PCDHA2: variants seen among roughly 807,000 people sequenced by gnomAD.
PCDHA2 encodes protocadherin alpha 2.
A neutral mutation model predicts 66.0 loss-of-function variants in PCDHA2; 58 were observed. The ratio of observed to expected loss-of-function variants is 0.88; its 90% CI spans 0.71 to 1.09. PCDHA2 has a LOEUF of 1.09. Among genes scored for constraint, PCDHA2 ranks in the 50% least tolerant of loss-of-function variants. The probability of loss-of-function intolerance (pLI) is 0.00; values close to 1 mark genes in which losing one functional copy is unlikely to be tolerated. For synonymous variants in PCDHA2, 634 were observed against 554.0 expected (o/e 1.14, Z -2.03); for missense variants, 1,267 against 1,242.3 (o/e 1.02, Z -0.30).
At chr5:140,927,668 A>T in intron 1 of PCDHA2, 1 of 1,614,208 alleles carries the variant, frequency 6.2e-7, no homozygotes, top group Non-Finnish European at 8.5e-7. Flanking sequence ...CAAGCCTTGG[A>T]TCCAGATGAA....
intron 1 of PCDHA2, chr5:140,814,784 C>T (rs189663149): frequency 2.3e-4 from 35 of 152,262 alleles, no homozygotes; most frequent in Non-Finnish European, 4.1e-4. Flanking sequence ...TTGGTTGAAA[C>T]GTTGTTATAC....
rs782647258 is a variant in PCDHA2 at position 140,869,948 on chromosome 5, T to A, written c.2388+72596T>A. The A allele has an allele frequency of 3.7e-6, 6 of 1,612,586 alleles. No individual in the cohort carries two copies. The South Asian group carries it at 5.5e-5, about 15-fold the overall frequency. ...AATGGAGAGGTAACATACTCCTTAA[T>A]GTCAATTAAGCCCAATGGAAGACAC... On this transcript the variant is annotated intron_variant, in intron 1 of 3. Coordinates refer to ENST00000526136, the MANE Select transcript of PCDHA2 (RefSeq NM_018905.3).
chr5:140,856,147 A>T lies in PCDHA2; in HGVS notation c.2388+58795A>T, dbSNP rs142037616. ...TGGGGAGCGGCCAGCTCCACTACTC[A>T]GTCTACGAGGAGGCCAGACACGGCA... is the stretch of plus-strand genomic sequence containing the variant. On this transcript the variant is annotated intron_variant, in intron 1 of 3. Transcript: ENST00000526136. 363 of 1,598,234 alleles carry T rather than the reference A, an allele frequency of 2.3e-4. 22 individuals are homozygous for T. In the African/African-American group the frequency reaches 3.7e-3, roughly 16 times the overall value.
At chr5:140,922,371 T>G (rs1194947703) in intron 1 of PCDHA2, among the ~76,000 whole-genome samples, 1 of 152,204 alleles carries the variant, frequency 6.6e-6, no homozygotes, top group Non-Finnish European at 1.5e-5. Context: ...CTCACTGAGA[T>G]GCAAAACCAA....
rs2150206938 is a variant in PCDHA2, at chr5:140,833,198, G to A, written c.2388+35846G>A. ...ATGACTGCAAGGATTAAATGAAGGA[G>A]AATGAAATAGGAATGGACAGGTTAC... On this transcript the variant is annotated intron_variant, in intron 1 of 3. Coordinates refer to ENST00000526136, the MANE Select transcript of PCDHA2 (RefSeq NM_018905.3). 2.0e-5 allele frequency among the ~76,000 whole-genome samples: 3 copies of A among 152,116 alleles called. No homozygotes were observed. In the East Asian group the frequency reaches 5.8e-4, roughly 29 times the overall value.
chr5:140,808,849 C>T (rs1466970963), intron 1 of PCDHA2: 5 of 1,613,084 alleles, frequency 3.1e-6, no homozygotes, highest in Non-Finnish European at 4.2e-6. Flanking sequence ...TGCAGGTGTT[C>T]GTGCTGGACG....
chr5:140,942,619 TA>T (rs35075175), intron 1 of PCDHA2, among the ~76,000 whole-genome samples: 84,954 of 148,808 alleles, frequency 0.57, 24,471 homozygotes, highest in African/African-American at 0.7. Context: ...TTGCCAATTG[TA>T]AAAAAAAAAA....
At position 140,856,186 on chromosome 5, in the gene PCDHA2, C is replaced by G. The variant is rs1451778566; in HGVS notation, c.2388+58834C>G. 97 of 1,598,138 alleles carry G rather than the reference C, an allele frequency of 6.1e-5. 9 individuals carry two copies. The highest frequency in any genetic ancestry group is 8.0e-5 in the Non-Finnish European group (94 of 1,167,930). Reference sequence around the variant, plus strand: ...CCAGACACGGCACCTTCGTGGGCCGCATCGCGCAGGACCTGGGGCTGGAGC... The same window carrying G: ...CCAGACACGGCACCTTCGTGGGCCGGATCGCGCAGGACCTGGGGCTGGAGC... On this transcript the variant is annotated intron_variant, in intron 1 of 3. Transcript: ENST00000526136.
At chr5:141,009,147 C>A (rs1193433198) in intron 3 of PCDHA2, among the ~76,000 whole-genome samples, 1 of 152,332 alleles carries the variant, frequency 6.6e-6, no homozygotes, top group Admixed American at 6.5e-5. Flanking sequence ...AACCTGCCCT[C>A]TTGCTTGTCT....
At chr5:140,929,103 G>C (rs1424047708) in intron 1 of PCDHA2, 1 of 1,614,062 alleles carries the variant, frequency 6.2e-7, no homozygotes, top group East Asian at 2.2e-5. Flanking sequence ...ATCCTTGCAT[G>C]ACATCAGCCA....
Position 140,795,983 on chromosome 5 carries a change from T to A in PCDHA2, c.1019T>A (p.Leu340His). 6.2e-7 allele frequency: 1 copy of A among 1,614,136 alleles called. No individual in the cohort carries two copies. Among genetic ancestry groups the A allele is most frequent in the Admixed American group, 1.7e-5 (1 of 60,020 alleles). Residue 340 changes from leucine to histidine, a missense_variant, in exon 1 of 4, where the codon CTT becomes CAT. By Grantham distance (99) the Leu-to-His change is moderately conservative (BLOSUM62 -3). Coordinates refer to ENST00000526136, the MANE Select transcript of PCDHA2 (RefSeq NM_018905.3). The stretch of plus-strand genomic sequence containing the variant: ...GGACATTGTAAAATTTCATTAAAAC[T>A]TGTGGACATCAATGATAACACACCA... ...MSGHCKISLK[L>H]VDINDNTPEV...
intron 1 of PCDHA2, chr5:140,835,300 G>C: frequency 6.2e-7 from 1 of 1,612,792 alleles, no homozygotes; most frequent in East Asian, 2.2e-5. Context: ...ACAGTGATAG[G>C]ACATATGGAT....
intron 1 of PCDHA2, among the ~76,000 whole-genome samples, chr5:140,886,239 T>C (rs2060904240): frequency 6.6e-6 from 1 of 152,062 alleles, no homozygotes; most frequent in African/African-American, 2.4e-5. Flanking sequence ...ACTTCAGAAA[T>C]AAATAAAAGT....
intron 1 of PCDHA2, chr5:140,864,197 G>A (rs2048362384): frequency 6.6e-6 from 1 of 152,118 alleles, no homozygotes; most frequent in Non-Finnish European, 1.5e-5. Context: ...ATCCTTATGA[G>A]AAGGTCAAAT....
In PCDHA2 at chr5:141,012,060, A is replaced by T. The variant is rs919882671; in HGVS notation, c.*2123A>T. 3.9e-5 allele frequency: 6 copies of T among 153,766 alleles called. No individual in the cohort carries two copies. The highest frequency in any genetic ancestry group is 8.8e-5 in the Non-Finnish European group (6 of 68,040). 9.5% of individuals were successfully genotyped at this position (153,766 alleles called of 1,614,324 possible). ...GCATGGGGTAAAACTTGTTACCAAC[A>T]CATGTGAACCATTGCTACATTGTAG... On this transcript the variant is annotated 3_prime_UTR_variant, in exon 4 of 4. Transcript: ENST00000526136.
Position 140,856,043 on chromosome 5 carries a change from G to A in PCDHA2, c.2388+58691G>A. On this transcript the variant is annotated intron_variant, in intron 1 of 3. Coordinates refer to ENST00000526136, the MANE Select transcript of PCDHA2 (RefSeq NM_018905.3). The stretch of plus-strand genomic sequence containing the variant: ...TCGTCGATTTGTAAAACAAGAGAAG[G>A]ATAAGATGGTTTCCAGATGTAGCTG... The A allele has an allele frequency of 3.8e-6, 6 of 1,581,380 alleles. 1 individual carries two copies. The highest frequency in any genetic ancestry group is 5.2e-6 in the Non-Finnish European group (6 of 1,157,972).
At chr5:140,804,212 G>T (rs1360178993) in intron 1 of PCDHA2, 1 of 151,958 alleles carries the variant, frequency 6.6e-6, no homozygotes, top group Admixed American at 6.6e-5. Context: ...TGGCAATACC[G>T]TTTATTGTTT....
intron 1 of PCDHA2, among the ~76,000 whole-genome samples, chr5:140,839,552 A>G (rs2150298794): frequency 0.059 from 9,014 of 151,912 alleles, 957 homozygotes; most frequent in African/African-American, 0.21. Flanking sequence ...ACCATGCCCA[A>G]CTAATTTTTG....
Position 141,010,440 on chromosome 5 carries a change from A to G in PCDHA2, c.*503A>G, listed in dbSNP as rs1279403327. 3 of 984,540 alleles carry G rather than the reference A, an allele frequency of 3.0e-6. No individual in the cohort carries two copies. Among genetic ancestry groups the G allele is most frequent in the Admixed American group, 5.9e-5 (2 of 34,150 alleles). The allele number at this position is 984,540 out of a possible 1,614,324, so 61.0% of individuals were successfully genotyped here. On this transcript the variant is annotated 3_prime_UTR_variant, in exon 4 of 4. Transcript: ENST00000526136. The stretch of plus-strand genomic sequence containing the variant: ...CAAGGAAGGCAAGAAAACAAAGACA[A>G]ATAAACAGCGGAAGTTATCAGTATG...
Sources: allele counts gnomAD v4.1 joint callset (sites outside exome capture counted in the v4.1 genomes callset), GRCh38; gene constraint gnomAD v4.1.1; transcripts MANE v1.5; gene names NCBI Gene and HGNC (gene_info 2026-07-23, HGNC 2026-07-21).